Variants in TRMT6 observed in about 807,000 individuals in gnomAD.
The protein encoded by TRMT6 is tRNA (adenine(58)-N(1))-methyltransferase non-catalytic subunit TRM6.
A neutral mutation model predicts 59.0 loss-of-function variants in TRMT6; 34 were observed. That is an observed-to-expected ratio of 0.58 (90% CI 0.44 to 0.77). The LOEUF (loss-of-function observed/expected upper bound fraction) is 0.77. Among genes scored for constraint, TRMT6 ranks in the 30% least tolerant of loss-of-function variants. The probability of loss-of-function intolerance (pLI) is 0.00; values close to 1 mark genes in which losing one functional copy is unlikely to be tolerated. For synonymous variants in TRMT6, 217 were observed against 210.5 expected (o/e 1.03, Z -0.27); for missense variants, 575 against 604.5 (o/e 0.95, Z 0.51).
chr20:5,939,091 C>T lies in TRMT6; in HGVS notation c.1303-365G>A, dbSNP rs959005706. On this transcript the variant is annotated intron_variant, in intron 10 of 10. Coordinates refer to ENST00000203001, the MANE Select transcript of TRMT6 (RefSeq NM_015939.5). Reference sequence around the variant, plus strand: ...GTGCTGGGATTACAGATACGAGCCACGGCACCAGGCTTTAAATGGACCAAC... The same window carrying T: ...GTGCTGGGATTACAGATACGAGCCATGGCACCAGGCTTTAAATGGACCAAC... Among the ~76,000 whole-genome samples the T allele has an allele frequency of 6.6e-5, 10 of 152,110 alleles. No individual in the cohort carries two copies. The South Asian group carries it at 1.7e-3, about 25-fold the overall frequency.
rs1490627977 is a variant in TRMT6 at position 5,937,934 on chromosome 20, T to C, written c.*601A>G. 2.6e-5 allele frequency: 4 copies of C among 152,192 alleles called. No homozygotes were observed. Among genetic ancestry groups the C allele is most frequent in the Non-Finnish European group, 5.9e-5 (4 of 68,024 alleles). The allele number at this position is 152,192 out of a possible 1,614,324, so 9.4% of individuals were successfully genotyped here. A position where few individuals can be genotyped will look rare whatever the true frequency, so the allele number is the denominator to read the frequency against. The stretch of plus-strand genomic sequence containing the variant: ...GTATTGGCAAATTAATGCAAAAAAG[T>C]ACCCTACTAAACCTTTCTATGCACA... On this transcript the variant is annotated 3_prime_UTR_variant, in exon 11 of 11. Coordinates refer to ENST00000203001, the MANE Select transcript of TRMT6 (RefSeq NM_015939.5).
Position 5,950,292 on chromosome 20 carries a change from TTG to T in TRMT6, c.112_113del (p.Gln38SerfsTer18). On this transcript the variant is annotated frameshift_variant, in exon 1 of 11. Coordinates refer to ENST00000203001, the MANE Select transcript of TRMT6 (RefSeq NM_015939.5). LOFTEE classifies it high-confidence loss of function. ...LKREDVFKAV[Q>X]VQRRKKVTFE... The stretch of plus-strand genomic sequence containing the variant: ...ATCTGACTTACTTTCTCCGCTGGAC[TTG>T]TACTGCTTTAAACACATCTTCACGT... 6.2e-7 allele frequency: 1 copy of T among 1,611,472 alleles called. No individual in the cohort carries two copies. Among genetic ancestry groups the T allele is most frequent in the Non-Finnish European group, 8.5e-7 (1 of 1,178,476 alleles).
intron 6 of TRMT6, 151 bp downstream of exon 6, chr20:5,943,408 G>C: frequency 1.0e-6 from 1 of 980,790 alleles, no homozygotes; most frequent in Non-Finnish European, 1.5e-6. Flanking sequence ...TGTGTAAGAA[G>C]GTCCCCATGC....
intron 3 of TRMT6, among the ~76,000 whole-genome samples, chr20:5,944,573 C>A (rs1005517): frequency 2.6e-5 from 4 of 152,282 alleles, no homozygotes; most frequent in Admixed American, 1.3e-4. Context: ...TCCTGATATG[C>A]ACTGTTATTA....
At chr20:5,939,749 A>G (rs2088640193) in intron 10 of TRMT6, among the ~76,000 whole-genome samples, 1 of 152,134 alleles carries the variant, frequency 6.6e-6, no homozygotes, top group East Asian at 1.9e-4. Flanking sequence ...TGCCAAGGCA[A>G]CTTCTCTCCT....
Position 5,938,693 on chromosome 20 carries a change from T to A in TRMT6, c.1336A>T (p.Met446Leu). Residue 446 changes from methionine to leucine, a missense_variant, in exon 11 of 11, where the codon ATG (methionine) becomes TTG (leucine). Physicochemically the swap from Met to Leu is conservative, Grantham distance 15 (BLOSUM62 2). Transcript: ENST00000203001. ...LPDRSHPKLL[M>L]SGGGGYLLSG... ...AGAAGATAACCCCCACCTCCACTCA[T>A]CAGCAGTTTAGGATGACTTCGATCT... The A allele has an allele frequency of 6.2e-7, 1 of 1,614,186 alleles. No homozygotes were observed. The highest frequency in any genetic ancestry group is 8.5e-7 in the Non-Finnish European group (1 of 1,180,012).
chr20:5,942,603 A>G lies in TRMT6; in HGVS notation c.851T>C (p.Leu284Ser), dbSNP rs1032119965. Residue 284 changes from leucine to serine, a missense_variant, in exon 7 of 11, where the codon TTG becomes TCG. Transcript: ENST00000203001. ...CAGTGTGCCATTACTTTCTTCAACC[A>G]AAGCACTGTCTTTTGGCTCTGAAGA... ...MLSSEPKDSA[L>S]VEESNGTLEE... 8 of 1,614,016 alleles carry G rather than the reference A, an allele frequency of 5.0e-6. No individual in the cohort carries two copies. The African/African-American group carries it at 6.7e-5, about 13-fold the overall frequency.
intron 10 of TRMT6, among the ~76,000 whole-genome samples, chr20:5,940,148 C>T (rs1443409311): frequency 6.6e-6 from 1 of 152,232 alleles, no homozygotes; most frequent in Non-Finnish European, 1.5e-5. Flanking sequence ...ACTGCAGGCT[C>T]TTCCTACCAT....
rs529358359 is a variant in TRMT6 at position 5,950,498 on chromosome 20, A to G, written c.-93T>C. On this transcript the variant is annotated 5_prime_UTR_variant, in exon 1 of 11. Coordinates refer to ENST00000203001, the MANE Select transcript of TRMT6 (RefSeq NM_015939.5). ...CTCACTTCCCACAACCTGGCGCACT[A>G]GGAGCCCTCCGACCGGCACCGCCCC... 17 of 1,406,996 alleles carry G rather than the reference A, an allele frequency of 1.2e-5. No individual in the cohort carries two copies. In the African/African-American group the frequency reaches 2.2e-4, roughly 18 times the overall value. The allele number at this position is 1,406,996 out of a possible 1,614,324, so 87.2% of individuals were successfully genotyped here.
rs1157213115 is a variant in TRMT6 at position 5,938,104 on chromosome 20, C to T, written c.*431G>A. On this transcript the variant is annotated 3_prime_UTR_variant, in exon 11 of 11. Transcript: ENST00000203001. ...CATAATAAATCACACACTCACACAT[C>T]CATATTGCTTAGGTTGAAGAGAACG... 6.5e-6 allele frequency: 1 copy of T among 153,782 alleles called. No homozygotes were observed. Among genetic ancestry groups the T allele is most frequent in the Non-Finnish European group, 1.4e-5 (1 of 69,168 alleles). The allele number at this position is 153,782 out of a possible 1,614,324, so 9.5% of individuals were successfully genotyped here.
chr20:5,941,629 T>C, intron 8 of TRMT6: 1 of 547,212 alleles, frequency 1.8e-6, no homozygotes, highest in Non-Finnish European at 3.2e-6. Flanking sequence ...AATCCAACAC[T>C]GCATAAGCTG....
At chr20:5,948,272 G>A (rs764887492) in intron 1 of TRMT6, among the ~76,000 whole-genome samples, 8 of 152,146 alleles carry the variant, frequency 5.3e-5, no homozygotes, top group South Asian at 4.1e-4. Flanking sequence ...CGGGAATGTG[G>A]GGCCCCGTTA....
chr20:5,947,111 T>C (rs1460016756), intron 1 of TRMT6, among the ~76,000 whole-genome samples: 3 of 152,212 alleles, frequency 2.0e-5, no homozygotes, highest in African/African-American at 4.8e-5. Flanking sequence ...TCCTGGGACA[T>C]AGCTCTTTCC....
At position 5,950,425 on chromosome 20, in the gene TRMT6, T is replaced by A. The variant is rs777317058; in HGVS notation, c.-20A>T. 1.9e-6 allele frequency: 3 copies of A among 1,551,328 alleles called. No individual in the cohort carries two copies. The highest frequency in any genetic ancestry group is 2.6e-6 in the Non-Finnish European group (3 of 1,152,578). Reference sequence around the variant, plus strand: ...CTCCATGACGCTCAGCCGGTCGCCGTGCTCCACGGCGTCCCGCCCCTCCTC... The same window carrying A: ...CTCCATGACGCTCAGCCGGTCGCCGAGCTCCACGGCGTCCCGCCCCTCCTC... On this transcript the variant is annotated 5_prime_UTR_variant, in exon 1 of 11. Transcript: ENST00000203001.
chr20:5,947,504 TTCC>T (rs2088718237), intron 1 of TRMT6, among the ~76,000 whole-genome samples: 1 of 152,220 alleles, frequency 6.6e-6, no homozygotes. Context: ...CCTTTATTGG[TTCC>T]CTAAATCGGC....
At chr20:5,942,177 G>T in intron 7 of TRMT6, 141 bp from the exon 8 acceptor site, 1 of 800,002 alleles carries the variant, frequency 1.3e-6, no homozygotes, top group Non-Finnish European at 2.0e-6. Flanking sequence ...TAAGGAAGTT[G>T]CAAATACACA....
intron 10 of TRMT6, among the ~76,000 whole-genome samples, chr20:5,939,867 C>T (rs566299671): frequency 2.6e-5 from 4 of 152,264 alleles, no homozygotes; most frequent in Non-Finnish European, 4.4e-5. Flanking sequence ...AGCAATGAGA[C>T]GGGGCCTACG....
chr20:5,943,433 GTTC>G lies in TRMT6; in HGVS notation c.667+123_667+125del. On this transcript the variant is annotated intron_variant, in intron 6 of 10. Transcript: ENST00000203001. ...GGTCCCCATGCTAGGAGCCGTGCAGGTTCACCCAAGTCACTTTGTTAACCCTGA... is the reference window on the plus strand; with the variant it reads ...GGTCCCCATGCTAGGAGCCGTGCAGGACCCAAGTCACTTTGTTAACCCTGA... 5 of 1,288,744 alleles carry G rather than the reference GTTC, an allele frequency of 3.9e-6. No individual in the cohort carries two copies. The South Asian group carries it at 5.5e-5, about 14-fold the overall frequency. The allele number at this position is 1,288,744 out of a possible 1,614,324, so 79.8% of individuals were successfully genotyped here. A position where few individuals can be genotyped will look rare whatever the true frequency, so the allele number is the denominator to read the frequency against.
intron 7 of TRMT6, 103 bp from the exon 8 acceptor site, chr20:5,942,139 G>C (rs924406952): frequency 1.9e-6 from 2 of 1,065,790 alleles, no homozygotes; most frequent in African/African-American, 3.1e-5. Flanking sequence ...TATCAACTTG[G>C]ACTAAACCAA....
Sources: allele counts gnomAD v4.1 joint callset (sites outside exome capture counted in the v4.1 genomes callset), GRCh38; gene constraint gnomAD v4.1.1; transcripts MANE v1.5; gene names NCBI Gene and HGNC (gene_info 2026-07-23, HGNC 2026-07-21).